The following LPP variants were observed in gnomAD, a reference collection of about 807,000 sequenced individuals.
The protein encoded by LPP is lipoma-preferred partner.
A neutral mutation model predicts 60.4 loss-of-function variants in LPP; 38 were observed. The observed-to-expected ratio is 0.63, with a 90% CI of 0.49 to 0.83. The LOEUF (loss-of-function observed/expected upper bound fraction) is 0.83. Ranked by LOEUF, LPP falls within the 40% of genes least tolerant of loss-of-function variation. The probability of loss-of-function intolerance (pLI) is 0.00; values close to 1 mark genes in which losing one functional copy is unlikely to be tolerated. For synonymous variants in LPP, 328 were observed against 290.8 expected (o/e 1.13, Z -1.30); for missense variants, 902 against 783.6 (o/e 1.15, Z -1.80).
At chr3:188,297,601 G>A (rs777429329) in intron 2 of LPP, among the ~76,000 whole-genome samples, 3 of 152,150 alleles carry the variant, frequency 2.0e-5, no homozygotes, top group South Asian at 4.1e-4. Context: ...AGTGATTCAA[G>A]CTGAACAGCT....
At chr3:188,461,452 C>T (rs1348983193) in intron 4 of LPP, among the ~76,000 whole-genome samples, 4 of 152,096 alleles carry the variant, frequency 2.6e-5, no homozygotes, top group African/African-American at 4.8e-5. Flanking sequence ...TTACAATATA[C>T]GTATCAAATG....
At chr3:188,862,326 G>A (rs766346540) in intron 9 of LPP, among the ~76,000 whole-genome samples, 9 of 152,144 alleles carry the variant, frequency 5.9e-5, no homozygotes, top group Non-Finnish European at 1.2e-4. Context: ...ACTAAATCAA[G>A]TACATTGTGT....
In LPP at chr3:188,419,173, A is replaced by T. The variant is rs185264637; in HGVS notation, c.193+12860A>T. Among the ~76,000 whole-genome samples, 117 of 152,304 alleles carry T rather than the reference A, an allele frequency of 7.7e-4. 2 individuals carry two copies. The South Asian group carries it at 0.022, about 28-fold the overall frequency. ...AGATTTCACTGTTTTATATCTTGAC[A>T]TCTGCATTAAATTCCGTTCTTTTAC... On this transcript the variant is annotated intron_variant, in intron 4 of 11. Transcript: ENST00000617246.
At chr3:188,403,732 C>T (rs979578276) in intron 3 of LPP, among the ~76,000 whole-genome samples, 6 of 151,898 alleles carry the variant, frequency 4.0e-5, no homozygotes, top group East Asian at 1.9e-4. Flanking sequence ...ATTTAAAAAC[C>T]ACGAGTAAAA....
At chr3:188,197,884 C>G (rs757043150) in intron 1 of LPP, among the ~76,000 whole-genome samples, 1 of 152,190 alleles carries the variant, frequency 6.6e-6, no homozygotes, top group Non-Finnish European at 1.5e-5. Context: ...GCGTGCATAT[C>G]GAAAAGCAGG....
intron 6 of LPP, among the ~76,000 whole-genome samples, chr3:188,592,845 T>C (rs549103900): frequency 1.4e-4 from 22 of 152,224 alleles, no homozygotes. Context: ...CGGCGTATCA[T>C]TGTTTTAATG....
At chr3:188,637,695 C>A (rs1391648379) in intron 7 of LPP, among the ~76,000 whole-genome samples, 1 of 152,024 alleles carries the variant, frequency 6.6e-6, no homozygotes, top group African/African-American at 2.4e-5. Context: ...ACCACCAATC[C>A]CACAGAAATA....
At chr3:188,289,632 TA>T (rs1449785459) in intron 2 of LPP, among the ~76,000 whole-genome samples, 1 of 152,174 alleles carries the variant, frequency 6.6e-6, no homozygotes, top group Admixed American at 6.5e-5. Flanking sequence ...GGTCTCCCTG[TA>T]AACACATGTT....
intron 6 of LPP, among the ~76,000 whole-genome samples, chr3:188,537,645 C>CA (rs1446107597): frequency 6.6e-6 from 1 of 152,102 alleles, no homozygotes; most frequent in Non-Finnish European, 1.5e-5. Flanking sequence ...TGATTAGTTG[C>CA]AAGATGTAAT....
chr3:188,347,609 T>G (rs948232715), intron 3 of LPP, among the ~76,000 whole-genome samples: 23 of 152,170 alleles, frequency 1.5e-4, no homozygotes, highest in African/African-American at 5.6e-4. Flanking sequence ...CCCCCCATTA[T>G]ATTGAGCTTG....
chr3:188,779,267 T>C (rs535232789), intron 9 of LPP, among the ~76,000 whole-genome samples: 1 of 152,266 alleles, frequency 6.6e-6, no homozygotes, highest in East Asian at 1.9e-4. Flanking sequence ...TGCAGACATA[T>C]TCCTTAGGTG....
rs1489901479 is a variant in LPP, at chr3:188,876,277, G to A, written c.*1798G>A. The A allele has an allele frequency of 5.3e-6, 1 of 188,098 alleles. No homozygotes were observed. The highest frequency in any genetic ancestry group is 1.1e-5 in the Non-Finnish European group (1 of 89,256). The allele number at this position is 188,098 out of a possible 1,614,324, so 11.7% of individuals were successfully genotyped here. A position where few individuals can be genotyped will look rare whatever the true frequency, so the allele number is the denominator to read the frequency against. On this transcript the variant is annotated 3_prime_UTR_variant, in exon 12 of 12. Coordinates refer to ENST00000617246, the MANE Select transcript of LPP (RefSeq NM_001375462.1). Reference sequence around the variant, plus strand: ...TGATCATAAAAGTGATTCTTTTTTTGTGACTAGAAATTCTTAAGCCGATGG... The same window carrying A: ...TGATCATAAAAGTGATTCTTTTTTTATGACTAGAAATTCTTAAGCCGATGG...
intron 8 of LPP, among the ~76,000 whole-genome samples, chr3:188,736,554 G>A (rs941870108): frequency 6.6e-6 from 1 of 152,052 alleles, no homozygotes; most frequent in African/African-American, 2.4e-5. Flanking sequence ...TGGTAAGACC[G>A]TAAATTGGCC....
intron 9 of LPP, among the ~76,000 whole-genome samples, chr3:188,803,187 G>A (rs1357685260): frequency 6.6e-6 from 1 of 151,768 alleles, no homozygotes. Context: ...TGGGATTACA[G>A]GCTTGCACCA....
At chr3:188,794,744 A>G (rs1357438501) in intron 9 of LPP, among the ~76,000 whole-genome samples, 1 of 151,402 alleles carries the variant, frequency 6.6e-6, no homozygotes, top group Non-Finnish European at 1.5e-5. Context: ...TTTTTTCTTT[A>G]TTGGACAAGA....
chr3:188,367,596 G>C, intron 3 of LPP, among the ~76,000 whole-genome samples: 1 of 152,148 alleles, frequency 6.6e-6, no homozygotes, highest in East Asian at 1.9e-4. Flanking sequence ...TCAGGAGTAA[G>C]GATGCTGTCA....
chr3:188,522,815 A>ATATATATATATG (rs796830660), intron 5 of LPP, among the ~76,000 whole-genome samples: 38 of 136,508 alleles, frequency 2.8e-4, no homozygotes, highest in African/African-American at 2.5e-4. Context: ...ATATATATAT[A>ATATATATATATG]TGTGTATGTG....
At position 188,372,787 on chromosome 3, in the gene LPP, A is replaced by G. The variant is rs190981904; in HGVS notation, c.-10+31068A>G. 2.4e-3 allele frequency among the ~76,000 whole-genome samples: 370 copies of G among 151,772 alleles called. 3 individuals carry two copies. Among genetic ancestry groups the G allele is most frequent in the African/African-American group, 8.6e-3 (356 of 41,348 alleles). On this transcript the variant is annotated intron_variant, in intron 3 of 11. Coordinates refer to ENST00000617246, the MANE Select transcript of LPP (RefSeq NM_001375462.1). ...TTTGTTACATATGTATACATGTGCT[A>G]TGTTAGTGTGCTGCACCCATTAACT...
At chr3:188,381,988 A>G (rs190454109) in intron 3 of LPP, among the ~76,000 whole-genome samples, 4 of 150,202 alleles carry the variant, frequency 2.7e-5, no homozygotes, top group Admixed American at 6.6e-5. Flanking sequence ...GGGTCTTGCT[A>G]TGTTGCTCAG....
Sources: allele counts gnomAD v4.1 joint callset (sites outside exome capture counted in the v4.1 genomes callset), GRCh38; gene constraint gnomAD v4.1.1; transcripts MANE v1.5; gene names NCBI Gene and HGNC (gene_info 2026-07-23, HGNC 2026-07-21).